The following MAP3K4 variants were observed in gnomAD, a reference collection of about 807,000 sequenced individuals.
The protein encoded by MAP3K4 is mitogen-activated protein kinase kinase kinase 4.
In MAP3K4, 67 loss-of-function variants were observed where a neutral mutation model predicts 185.6. The observed-to-expected ratio is 0.36, with a 90% CI of 0.30 to 0.44. The LOEUF (loss-of-function observed/expected upper bound fraction) is 0.44. Among genes scored for constraint, MAP3K4 ranks in the 20% least tolerant of loss-of-function variants. The probability of loss-of-function intolerance (pLI) is 1.00; values close to 1 mark genes in which losing one functional copy is unlikely to be tolerated. For missense variants in MAP3K4, 1,551 were observed against 1,995.1 expected, an observed-to-expected ratio of 0.78 and a Z score of 4.24; for synonymous variants, 702 against 710.4, an observed-to-expected ratio of 0.99 and a Z score of 0.19.
chr6:161,050,960 C>T (rs1783975754), intron 3 of MAP3K4, among the ~76,000 whole-genome samples: 3 of 152,190 alleles, frequency 2.0e-5, no homozygotes, highest in African/African-American at 7.2e-5. Flanking sequence ...TGCTCAAGTC[C>T]CTCATACAAA....
chr6:160,992,879 C>T (rs189172993), intron 1 of MAP3K4, among the ~76,000 whole-genome samples: 1 of 151,944 alleles, frequency 6.6e-6, no homozygotes, highest in African/African-American at 2.4e-5. Context: ...TTTTACGTGC[C>T]TATGTTTGTA....
intron 19 of MAP3K4, among the ~76,000 whole-genome samples, chr6:161,104,570 A>T (rs934930308): frequency 9.3e-5 from 14 of 150,954 alleles, no homozygotes; most frequent in Non-Finnish European, 1.8e-4. Context: ...AATTAACTGG[A>T]CGTGGTGGTG....
rs1406151555 is a variant in MAP3K4 at position 161,076,277 on chromosome 6, T to G, written c.2097+2665T>G. Among the ~76,000 whole-genome samples, 1 of 152,190 alleles carries G rather than the reference T, an allele frequency of 6.6e-6. No individual in the cohort carries two copies. The highest frequency in any genetic ancestry group is 1.5e-5 in the Non-Finnish European group (1 of 68,038). ...TCTCTCCAGGGATTCTGTTGTTGACTGAAGAGCTGCCCGACAGAAGGAGCG... is the reference window on the plus strand; with the variant it reads ...TCTCTCCAGGGATTCTGTTGTTGACGGAAGAGCTGCCCGACAGAAGGAGCG... On this transcript the variant is annotated intron_variant, in intron 5 of 26. Transcript: ENST00000392142. The surrounding 1 kb of genome is among the most constrained non-coding windows in gnomAD (Gnocchi z 4.2).
At position 161,100,880 on chromosome 6, in the gene MAP3K4, A is replaced by G. The variant is rs1055555130; in HGVS notation, c.3675-1012A>G. 1.3e-5 allele frequency among the ~76,000 whole-genome samples: 2 copies of G among 152,156 alleles called. No individual in the cohort carries two copies. Among genetic ancestry groups the G allele is most frequent in the Non-Finnish European group, 2.9e-5 (2 of 68,014 alleles). On this transcript the variant is annotated intron_variant, in intron 17 of 26. Transcript: ENST00000392142. The surrounding 1 kb of genome is among the most constrained non-coding windows in gnomAD (Gnocchi z 5.8). ...CCGAATTTTTTATGAACTATATGGCAGTAGAAATGTCCCCATCACTTCAGA... is the reference window on the plus strand; with the variant it reads ...CCGAATTTTTTATGAACTATATGGCGGTAGAAATGTCCCCATCACTTCAGA...
rs1783232350 is a variant in MAP3K4 at position 161,037,615 on chromosome 6, G to A, written c.343+3166G>A. 1.3e-5 allele frequency among the ~76,000 whole-genome samples: 2 copies of A among 151,944 alleles called. No individual in the cohort carries two copies. Among genetic ancestry groups the A allele is most frequent in the South Asian group, 4.2e-4 (2 of 4,816 alleles). On this transcript the variant is annotated intron_variant, in intron 2 of 26. Transcript: ENST00000392142. This position sits in a 1 kb window ranked among gnomAD's most constrained non-coding sequence, Gnocchi z 4.2. The stretch of plus-strand genomic sequence containing the variant: ...GTATTTTTGGTAGAGACGATGTTTC[G>A]CTATGTTGGCCAGGCTGGTCTCGAA...
At position 161,102,689 on chromosome 6, in the gene MAP3K4, CT is replaced by C. The variant is rs769944798; in HGVS notation, c.3776-8del. The C allele has an allele frequency of 1.9e-6, 3 of 1,544,518 alleles. No homozygotes were observed. The highest frequency in any genetic ancestry group is 2.6e-6 in the Non-Finnish European group (3 of 1,146,886). ...TAAATCTTAATTTGTATAAAAATAA[CT>C]TCCTGCAGAACCAGCATATCCAAGA... On this transcript the variant is annotated splice_polypyrimidine_tract_variant and intron_variant, in intron 18 of 26. Coordinates refer to ENST00000392142, the MANE Select transcript of MAP3K4 (RefSeq NM_005922.4).
rs190894205 is a variant in MAP3K4, at chr6:161,099,661, G to C, written c.3674+1234G>C. Among the ~76,000 whole-genome samples the C allele has an allele frequency of 4.0e-3, 612 of 152,258 alleles. 7 individuals are homozygous for C. Among genetic ancestry groups the C allele is most frequent in the Middle Eastern group, 0.024 (7 of 294 alleles). ...CCTAAAACACAGTCATAATTGAGGA[G>C]GGCATTGGCCACCCTGTGCCCCCTG... On this transcript the variant is annotated intron_variant, in intron 17 of 26. Transcript: ENST00000392142.
rs1178570748 is a variant in MAP3K4 at position 161,034,873 on chromosome 6, C to G, written c.343+424C>G. 6.6e-6 allele frequency among the ~76,000 whole-genome samples: 1 copy of G among 152,210 alleles called. No homozygotes were observed. The highest frequency in any genetic ancestry group is 1.5e-5 in the Non-Finnish European group (1 of 68,036). On this transcript the variant is annotated intron_variant, in intron 2 of 26. Coordinates refer to ENST00000392142, the MANE Select transcript of MAP3K4 (RefSeq NM_005922.4). The surrounding 1 kb of genome is among the most constrained non-coding windows in gnomAD (Gnocchi z 4.4). ...TGTCTTCCCCTGGATTCCCTCTGCT[C>G]TCTGCTGGTGCCCCGGGGTGCTATC...
At chr6:161,105,917 C>A (rs1486745387) in intron 19 of MAP3K4, among the ~76,000 whole-genome samples, 9 of 151,386 alleles carry the variant, frequency 5.9e-5, no homozygotes, top group Admixed American at 5.9e-4. Context: ...CTCACTGCAA[C>A]CTCTACCTCC....
chr6:161,006,522 C>T (rs1014468374), intron 1 of MAP3K4, among the ~76,000 whole-genome samples: 65 of 152,030 alleles, frequency 4.3e-4, no homozygotes, highest in African/African-American at 2.2e-4. Flanking sequence ...ATGCAGATAT[C>T]GTCATTTTAT....
rs1033815008 is a variant in MAP3K4 at position 161,077,478 on chromosome 6, C to A, written c.2098-3403C>A. ...AGAAGCCCCTTTTTGGTAGCAGGTGCGGTCCGCTTGGGAAAGGAGCCTGGC... is the reference window on the plus strand; with the variant it reads ...AGAAGCCCCTTTTTGGTAGCAGGTGAGGTCCGCTTGGGAAAGGAGCCTGGC... On this transcript the variant is annotated intron_variant, in intron 5 of 26. Transcript: ENST00000392142. The surrounding 1 kb of genome is among the most constrained non-coding windows in gnomAD (Gnocchi z 4.3). 6.6e-6 allele frequency among the ~76,000 whole-genome samples: 1 copy of A among 152,090 alleles called. No individual in the cohort carries two copies. Among genetic ancestry groups the A allele is most frequent in the African/African-American group, 2.4e-5 (1 of 41,408 alleles).
chr6:161,106,730 T>G lies in MAP3K4; in HGVS notation c.4048+25T>G, dbSNP rs1473254532. ...GGTAAGGAAATTAAGGAGCATGATG[T>G]CAAGATAGTCCCTGTTAGAAGTAGC... On this transcript the variant is annotated intron_variant, in intron 20 of 26. Coordinates refer to ENST00000392142, the MANE Select transcript of MAP3K4 (RefSeq NM_005922.4). The surrounding 1 kb of genome is among the most constrained non-coding windows in gnomAD (Gnocchi z 4.9). The G allele has an allele frequency of 6.3e-7, 1 of 1,574,822 alleles. No homozygotes were observed. Among genetic ancestry groups the G allele is most frequent in the Non-Finnish European group, 8.7e-7 (1 of 1,152,874 alleles).
chr6:160,992,188 A>G, intron 1 of MAP3K4, 105 bp downstream of exon 1: 1 of 1,383,588 alleles, frequency 7.2e-7, no homozygotes, highest in Non-Finnish European at 9.4e-7. Context: ...TGGGGAGGGA[A>G]GCATCCAGTC....
At chr6:161,035,110 C>T (rs1783105464) in intron 2 of MAP3K4, among the ~76,000 whole-genome samples, 2 of 152,068 alleles carry the variant, frequency 1.3e-5, no homozygotes, top group Non-Finnish European at 2.9e-5. Flanking sequence ...ATGAATTGAA[C>T]GATACTGCGC....
At chr6:161,005,511 A>G (rs1781542871) in intron 1 of MAP3K4, among the ~76,000 whole-genome samples, 1 of 152,122 alleles carries the variant, frequency 6.6e-6, no homozygotes, top group Non-Finnish European at 1.5e-5. Context: ...ATGAATACCC[A>G]TTGATTAAGT....
chr6:160,994,327 T>C (rs1416568697), intron 1 of MAP3K4, among the ~76,000 whole-genome samples: 1 of 152,130 alleles, frequency 6.6e-6, no homozygotes, highest in Non-Finnish European at 1.5e-5. Flanking sequence ...AAGTCCATTA[T>C]ATCATTCTTA....
At chr6:160,994,242 C>A (rs1780887844) in intron 1 of MAP3K4, among the ~76,000 whole-genome samples, 1 of 151,988 alleles carries the variant, frequency 6.6e-6, no homozygotes, top group South Asian at 2.1e-4. Flanking sequence ...GTGCACCTGT[C>A]ACCCAAGCAA....
Position 160,996,372 on chromosome 6 carries a change from C to T in MAP3K4, c.152+4289C>T, listed in dbSNP as rs1780993745. ...TCATTGTTAGAGGCCACTCTGTTTC[C>T]TTCATGTATGCTCTCATGGTGTCCT... is the stretch of plus-strand genomic sequence containing the variant. On this transcript the variant is annotated intron_variant, in intron 1 of 26. Coordinates refer to ENST00000392142, the MANE Select transcript of MAP3K4 (RefSeq NM_005922.4). This position sits in a 1 kb window ranked among gnomAD's most constrained non-coding sequence, Gnocchi z 4.5. Among the ~76,000 whole-genome samples the T allele has an allele frequency of 6.6e-6, 1 of 152,152 alleles. No individual in the cohort carries two copies. Among genetic ancestry groups the T allele is most frequent in the African/African-American group, 2.4e-5 (1 of 41,430 alleles).
chr6:161,026,621 T>G, intron 1 of MAP3K4, among the ~76,000 whole-genome samples: 1 of 152,278 alleles, frequency 6.6e-6, no homozygotes, highest in African/African-American at 2.4e-5. Flanking sequence ...CTTCTGTTTT[T>G]AAGTACTCAA....
Sources: allele counts gnomAD v4.1 joint callset (sites outside exome capture counted in the v4.1 genomes callset), GRCh38; gene constraint gnomAD v4.1.1; non-coding constraint Gnocchi (gnomAD v3.1); transcripts MANE v1.5; gene names NCBI Gene and HGNC (gene_info 2026-07-23, HGNC 2026-07-21).